The following RYR2 variants were observed in gnomAD, a reference collection of about 807,000 sequenced individuals.
RYR2 encodes ryanodine receptor 2.
A neutral mutation model predicts 601.1 loss-of-function variants in RYR2; 227 were observed. That is an observed-to-expected ratio of 0.38 (90% CI 0.34 to 0.42). The LOEUF (loss-of-function observed/expected upper bound fraction) is 0.42. RYR2 is among the 10% of genes least tolerant of loss of function. The pLI, the probability that RYR2 is intolerant of heterozygous loss-of-function variation, is 1.00. For synonymous variants in RYR2, 2,223 were observed against 2,175.1 expected, an observed-to-expected ratio of 1.02 and a Z score of -0.61; for missense variants, 4,646 against 6,156.5, an observed-to-expected ratio of 0.75 and a Z score of 8.21.
intron 79 of RYR2, among the ~76,000 whole-genome samples, chr1:237,736,280 G>T (rs1040470852): frequency 6.6e-6 from 1 of 151,904 alleles, no homozygotes; most frequent in African/African-American, 2.4e-5. Flanking sequence ...GGCCAACATG[G>T]TGAAACCCCG....
intron 80 of RYR2, among the ~76,000 whole-genome samples, chr1:237,750,290 A>G (rs1370503260): frequency 6.6e-6 from 1 of 152,140 alleles, no homozygotes; most frequent in African/African-American, 2.4e-5. Context: ...TTGAAAGACA[A>G]AGAGTAGGGC....
intron 2 of RYR2, among the ~76,000 whole-genome samples, chr1:237,311,360 A>G (rs567804643): frequency 6.6e-6 from 1 of 152,288 alleles, no homozygotes; most frequent in South Asian, 2.1e-4. Context: ...TATGGGGTCT[A>G]TTGTGCCTTC....
chr1:237,198,277 G>T (rs1256050419), intron 1 of RYR2, among the ~76,000 whole-genome samples: 2 of 152,160 alleles, frequency 1.3e-5, no homozygotes, highest in Non-Finnish European at 2.9e-5. Context: ...TAGTTTATGT[G>T]TTGAGTCTAC....
chr1:237,762,713 A>G (rs1457399771), intron 84 of RYR2, among the ~76,000 whole-genome samples: 1 of 152,256 alleles, frequency 6.6e-6, no homozygotes, highest in Non-Finnish European at 1.5e-5. Flanking sequence ...TCTCAAAAGG[A>G]GATTGATTTA....
chr1:237,210,645 T>A (rs1682470385), intron 1 of RYR2, among the ~76,000 whole-genome samples: 1 of 152,160 alleles, frequency 6.6e-6, no homozygotes, highest in Admixed American at 6.6e-5. Flanking sequence ...TTTTTTCTCA[T>A]AGTTTGCATC....
intron 81 of RYR2, 45 bp downstream of exon 81, chr1:237,756,432 T>A (rs1489751089): frequency 7.7e-7 from 1 of 1,293,494 alleles, no homozygotes; most frequent in Non-Finnish European, 1.1e-6. Context: ...TTCTTCAGAT[T>A]TCCTCGTTGC....
intron 1 of RYR2, among the ~76,000 whole-genome samples, chr1:237,132,835 G>A (rs1006228496): frequency 1.3e-5 from 2 of 152,218 alleles, no homozygotes; most frequent in African/African-American, 4.8e-5. Flanking sequence ...AAGTGTTAAG[G>A]AGAGAAGAAA....
Position 237,042,379 on chromosome 1 carries a change from C to G in RYR2, c.-143C>G, listed in dbSNP as rs574300164. On this transcript the variant is annotated 5_prime_UTR_variant, in exon 1 of 105. Coordinates refer to ENST00000366574, the MANE Select transcript of RYR2 (RefSeq NM_001035.3). Reference sequence around the variant, plus strand: ...CCTCCTCCGCTCTGCAGGCGGGGACCGCCCGGCGCTCGGCACCCGGCAGCG... The same window carrying G: ...CCTCCTCCGCTCTGCAGGCGGGGACGGCCCGGCGCTCGGCACCCGGCAGCG... 6.3e-6 allele frequency: 5 copies of G among 795,956 alleles called. No individual in the cohort carries two copies. The highest frequency in any genetic ancestry group is 8.2e-6 in the Non-Finnish European group (5 of 610,484). The allele number at this position is 795,956 out of a possible 1,614,324, so 49.3% of individuals were successfully genotyped here. A position where few individuals can be genotyped will look rare whatever the true frequency, so the allele number is the denominator to read the frequency against.
At position 237,237,681 on chromosome 1, in the gene RYR2, G is replaced by A. The variant is rs557471753; in HGVS notation, c.49-32816G>A. ...ATATTTCTTTGACATATTTTGAAAT[G>A]GCTCTGCAAAGCTACCTCTTGTGGG... On this transcript the variant is annotated intron_variant, in intron 1 of 104. Coordinates refer to ENST00000366574, the MANE Select transcript of RYR2 (RefSeq NM_001035.3). 5.2e-4 allele frequency among the ~76,000 whole-genome samples: 79 copies of A among 152,232 alleles called. 1 individual carries two copies. The highest frequency in any genetic ancestry group is 1.7e-3 in the African/African-American group (72 of 41,550).
In RYR2 at chr1:237,589,781, T is replaced by A. The variant is rs768681974; in HGVS notation, c.3599-12T>A. The A allele has an allele frequency of 6.2e-7, 1 of 1,613,034 alleles. No individual in the cohort carries two copies. The highest frequency in any genetic ancestry group is 1.3e-5 in the African/African-American group (1 of 75,000). On this transcript the variant is annotated splice_polypyrimidine_tract_variant and intron_variant, in intron 29 of 104. Coordinates refer to ENST00000366574, the MANE Select transcript of RYR2 (RefSeq NM_001035.3). Reference sequence around the variant, plus strand: ...TAATGGTACTAAAACTTGATTTTTTTTTTCTTCCCAGGATTCATACCTGTG... The same window carrying A: ...TAATGGTACTAAAACTTGATTTTTTATTTCTTCCCAGGATTCATACCTGTG...
chr1:237,567,415 CAAAAAAA>C (rs3057438), intron 28 of RYR2, among the ~76,000 whole-genome samples: 1 of 112,020 alleles, frequency 8.9e-6, no homozygotes, highest in Admixed American at 1.0e-4. Context: ...CCTGTCTCTA[CAAAAAAA>C]AAAAAAAAAA....
intron 7 of RYR2, among the ~76,000 whole-genome samples, chr1:237,375,255 A>G (rs1438533977): frequency 1.3e-5 from 2 of 152,244 alleles, no homozygotes; most frequent in Admixed American, 1.3e-4. Flanking sequence ...CCAAGCAGAC[A>G]TGCATTTTCA....
intron 36 of RYR2, 97 bp from the exon 37 acceptor site, chr1:237,613,942 T>G: frequency 8.7e-7 from 1 of 1,154,110 alleles, no homozygotes; most frequent in Non-Finnish European, 1.2e-6. Flanking sequence ...ATAACTTTTT[T>G]CCTTCAAATT....
In RYR2 at chr1:237,819,268, A is replaced by G; in HGVS notation, c.14590+76A>G. The G allele has an allele frequency of 1.4e-6, 2 of 1,398,274 alleles. No homozygotes were observed. Among genetic ancestry groups the G allele is most frequent in the Non-Finnish European group, 2.0e-6 (2 of 1,000,862 alleles). 86.6% of individuals were successfully genotyped at this position (1,398,274 alleles called of 1,614,324 possible). A position where few individuals can be genotyped will look rare whatever the true frequency, so the allele number is the denominator to read the frequency against. On this transcript the variant is annotated intron_variant, in intron 101 of 104. Coordinates refer to ENST00000366574, the MANE Select transcript of RYR2 (RefSeq NM_001035.3). This position sits in a 1 kb window ranked among gnomAD's most constrained non-coding sequence, Gnocchi z 4.0. Reference sequence around the variant, plus strand: ...TGTTGCTGAAGTTAATATTCAAGGTAGGGTAATGACGTCAAGTGTTTCCTG... The same window carrying G: ...TGTTGCTGAAGTTAATATTCAAGGTGGGGTAATGACGTCAAGTGTTTCCTG...
intron 3 of RYR2, among the ~76,000 whole-genome samples, chr1:237,344,882 C>T (rs1394131917): frequency 1.3e-5 from 2 of 152,120 alleles, no homozygotes; most frequent in East Asian, 3.9e-4. Flanking sequence ...TCTTGGTTCA[C>T]TGCAACCAAC....
intron 34 of RYR2, among the ~76,000 whole-genome samples, 165 bp downstream of exon 34, chr1:237,595,822 G>A (rs1675835560): frequency 6.6e-6 from 1 of 152,064 alleles, no homozygotes; most frequent in African/African-American, 2.4e-5. Context: ...CCTCCTCATA[G>A]CTGTCCCAGC....
chr1:237,265,112 C>A (rs1180679146), intron 1 of RYR2, among the ~76,000 whole-genome samples: 1 of 152,024 alleles, frequency 6.6e-6, no homozygotes, highest in African/African-American at 2.4e-5. Flanking sequence ...GAATTAATAG[C>A]CTGGTGGGTC....
intron 27 of RYR2, among the ~76,000 whole-genome samples, chr1:237,565,158 TCTTTCTTTC>T (rs1671871173): frequency 4.0e-5 from 1 of 24,920 alleles, no homozygotes; most frequent in Non-Finnish European, 8.4e-5. Flanking sequence ...TCTTTCTTTC[TCTTTCTTTC>T]TTTCTTTCTT....
chr1:237,702,814 T>C (rs1688072665), intron 66 of RYR2, among the ~76,000 whole-genome samples: 2 of 152,174 alleles, frequency 1.3e-5, no homozygotes, highest in East Asian at 3.9e-4. Flanking sequence ...TCATTTGGCC[T>C]ACCAAATATT....
Sources: gnomAD v4.1 joint callset for allele counts (sites outside exome capture counted in the v4.1 genomes callset) on GRCh38, gnomAD v4.1.1 for gene constraint, Gnocchi (gnomAD v3.1) non-coding constraint, MANE v1.5 for transcripts, NCBI Gene and HGNC (gene_info 2026-07-23, HGNC 2026-07-21) for gene names.